Variants in IL1RAPL1 observed in about 807,000 individuals in gnomAD.
IL1RAPL1 encodes interleukin 1 receptor accessory protein like 1.
A neutral mutation model predicts 48.4 loss-of-function variants in IL1RAPL1; 3 were observed. That is an observed-to-expected ratio of 0.06 (90% CI 0.03 to 0.16). The LOEUF is 0.16. IL1RAPL1 is among the 10% of genes least tolerant of loss of function. IL1RAPL1 has a pLI of 1.00. For synonymous variants in IL1RAPL1, 185 were observed against 187.7 expected (o/e 0.99, Z 0.12); for missense variants, 349 against 530.6 (o/e 0.66, Z 3.36).
chrX:29,907,505 T>TTTTG (rs1321816390), intron 6 of IL1RAPL1, among the ~76,000 whole-genome samples: 1 of 111,674 alleles, frequency 9.0e-6, no homozygotes, highest in Non-Finnish European at 1.9e-5. Context: ...TGAAACTAAT[T>TTTTG]TTTGTTTTTA....
intron 5 of IL1RAPL1, among the ~76,000 whole-genome samples, chrX:29,429,849 CTT>C (rs963793221): frequency 9.5e-6 from 1 of 105,559 alleles, no homozygotes; most frequent in Non-Finnish European, 1.9e-5. Flanking sequence ...TACATAAAGA[CTT>C]GTCATATATA....
intron 6 of IL1RAPL1, among the ~76,000 whole-genome samples, chrX:29,736,669 T>C (rs978670581): frequency 4.9e-4 from 54 of 110,640 alleles, no homozygotes; most frequent in African/African-American, 1.4e-3. Context: ...GAGGTTACAG[T>C]GAGCCGAGAT....
chrX:29,179,006 G>A (rs1930089005), intron 2 of IL1RAPL1, among the ~76,000 whole-genome samples: 1 of 111,803 alleles, frequency 8.9e-6, no homozygotes, highest in African/African-American at 3.3e-5. Context: ...TAGCCTTGTA[G>A]TATAGTTTGA....
intron 1 of IL1RAPL1, among the ~76,000 whole-genome samples, chrX:28,739,516 C>T (rs1217964008): frequency 9.0e-6 from 1 of 111,259 alleles, no homozygotes; most frequent in Non-Finnish European, 1.9e-5. Flanking sequence ...GAGGAAGATA[C>T]CATTTATTAA....
intron 1 of IL1RAPL1, among the ~76,000 whole-genome samples, chrX:28,658,104 A>G (rs761036868): frequency 8.0e-5 from 9 of 112,615 alleles, no homozygotes; most frequent in Admixed American, 2.8e-4. Context: ...TTGTATTTTC[A>G]TATGTCCAGC....
chrX:29,163,771 A>G (rs188521909), intron 2 of IL1RAPL1, among the ~76,000 whole-genome samples: 1 of 111,832 alleles, frequency 8.9e-6, no homozygotes, highest in African/African-American at 3.2e-5. Flanking sequence ...TCATCTAGTA[A>G]TTTGGAAATT....
intron 3 of IL1RAPL1, among the ~76,000 whole-genome samples, chrX:29,336,090 C>T (rs1402275853): frequency 4.8e-5 from 5 of 103,496 alleles, no homozygotes; most frequent in South Asian, 4.2e-4. Context: ...GTATATTATA[C>T]GTATATATTT....
rs1257166753 is a variant in IL1RAPL1 at position 29,339,335 on chromosome X, A to G, written c.362+56118A>G. The stretch of plus-strand genomic sequence containing the variant: ...CATAGGATAGATTGTGATGAAAATT[A>G]AATGATACATTATGTAAAGAACCTA... On this transcript the variant is annotated intron_variant, in intron 3 of 10. Transcript: ENST00000378993. Among the ~76,000 whole-genome samples the G allele has an allele frequency of 4.5e-5, 5 of 111,747 alleles. No homozygotes were observed. In the East Asian group the frequency reaches 1.4e-3, roughly 31 times the overall value.
intron 1 of IL1RAPL1, among the ~76,000 whole-genome samples, chrX:28,724,495 A>C (rs189876291): frequency 7.2e-5 from 8 of 110,980 alleles, no homozygotes; most frequent in Non-Finnish European, 1.3e-4. Flanking sequence ...GTGTCTCTGC[A>C]CGTGAGATGG....
intron 5 of IL1RAPL1, among the ~76,000 whole-genome samples, chrX:29,546,049 C>T (rs1048675792): frequency 1.7e-4 from 19 of 111,650 alleles, no homozygotes; most frequent in African/African-American, 6.2e-4. Flanking sequence ...GAGGATGCTA[C>T]TGGTAGTGGG....
intron 2 of IL1RAPL1, among the ~76,000 whole-genome samples, chrX:29,135,234 A>G (rs1173028176): frequency 1.8e-5 from 2 of 111,911 alleles, no homozygotes; most frequent in South Asian, 3.7e-4. Flanking sequence ...TGAATAATCA[A>G]AATTATCCTG....
chrX:28,975,030 T>C (rs1038739184), intron 2 of IL1RAPL1, among the ~76,000 whole-genome samples: 1 of 112,353 alleles, frequency 8.9e-6, no homozygotes, highest in African/African-American at 3.2e-5. Context: ...CATTCAATTA[T>C]AAATGTCAAG....
At chrX:29,084,887 T>C (rs1927920211) in intron 2 of IL1RAPL1, among the ~76,000 whole-genome samples, 1 of 111,898 alleles carries the variant, frequency 8.9e-6, no homozygotes, top group South Asian at 3.7e-4. Flanking sequence ...GAGACGGGGT[T>C]TCGCCATGTT....
chrX:29,875,003 C>T (rs1035620063), intron 6 of IL1RAPL1, among the ~76,000 whole-genome samples: 7 of 111,686 alleles, frequency 6.3e-5, no homozygotes, highest in Admixed American at 9.5e-5. Context: ...TAAATTGGAG[C>T]GGTGGATACA....
chrX:29,168,532 T>G (rs762809419), intron 2 of IL1RAPL1, among the ~76,000 whole-genome samples: 1 of 84,785 alleles, frequency 1.2e-5, no homozygotes, highest in African/African-American at 4.0e-5. Flanking sequence ...TCATTCTGTT[T>G]TATGGCTGAA....
rs1478033848 is a variant in IL1RAPL1 at position 28,920,258 on chromosome X, G to A, written c.82+130833G>A. 6.3e-5 allele frequency among the ~76,000 whole-genome samples: 7 copies of A among 111,549 alleles called. No individual in the cohort carries two copies. In the East Asian group the frequency reaches 1.4e-3, roughly 22 times the overall value. On this transcript the variant is annotated intron_variant, in intron 2 of 10. Coordinates refer to ENST00000378993, the MANE Select transcript of IL1RAPL1 (RefSeq NM_014271.4). Reference sequence around the variant, plus strand: ...AGATTAAAATACGGCACTCTGTTAAGCTGTAAAACTGGCTTTTTGCTTCTC... The same window carrying A: ...AGATTAAAATACGGCACTCTGTTAAACTGTAAAACTGGCTTTTTGCTTCTC...
At chrX:28,619,846 A>T (rs1312291110) in intron 1 of IL1RAPL1, among the ~76,000 whole-genome samples, 1 of 111,375 alleles carries the variant, frequency 9.0e-6, no homozygotes, top group Non-Finnish European at 1.9e-5. Flanking sequence ...CTTACATTGC[A>T]TTTGTTCACT....
At chrX:29,343,826 T>C (rs1049461512) in intron 3 of IL1RAPL1, among the ~76,000 whole-genome samples, 2 of 111,391 alleles carry the variant, frequency 1.8e-5, no homozygotes, top group Middle Eastern at 4.2e-3. Flanking sequence ...AGTGAGAAAC[T>C]CTTCTTAATT....
chrX:29,916,689 G>C (rs762897564), intron 6 of IL1RAPL1, among the ~76,000 whole-genome samples: 157 of 111,937 alleles, frequency 1.4e-3, no homozygotes, highest in Non-Finnish European at 2.2e-3. Context: ...GAAATATCCA[G>C]AAATAAACTT....
Sources: allele counts gnomAD v4.1 joint callset (sites outside exome capture counted in the v4.1 genomes callset), GRCh38; gene constraint gnomAD v4.1.1; transcripts MANE v1.5; gene names NCBI Gene and HGNC (gene_info 2026-07-23, HGNC 2026-07-21).